Variants in NBPF8 observed in about 807,000 individuals in gnomAD.
The protein encoded by NBPF8 is NBPF family member NBPF8.
chr1:120,434,520 T>A (rs1661017159), upstream of NBPF8, among the ~76,000 whole-genome samples: 3 of 149,048 alleles, frequency 2.0e-5, no homozygotes, highest in Admixed American at 6.7e-5. Flanking sequence ...CCTCACCCCA[T>A]GACAGGCCCT....
At chr1:120,420,249 A>G (rs1660537047) in intron 1 of NBPF8, among the ~76,000 whole-genome samples, 131 bp downstream of exon 2, 1 of 152,076 alleles carries the variant, frequency 6.6e-6, no homozygotes, top group South Asian at 2.1e-4. Context: ...ACAGATACTG[A>G]ATTAATATTT....
chr1:120,465,306 A>T (rs1365920899), exon 24 of NBPF8: 4 of 700,252 alleles, frequency 5.7e-6, no homozygotes, highest in South Asian at 5.6e-5. Context: ...GGGGAAGAAG[A>T]TCAAAGAAGA....
chr1:120,460,357 A>T (rs1206614493), intron 17 of NBPF8, among the ~76,000 whole-genome samples: 1 of 151,980 alleles, frequency 6.6e-6, no homozygotes, highest in Admixed American at 6.5e-5. Flanking sequence ...GGAAGATAAC[A>T]TTCCAACTCA....
chr1:120,466,097 G>A, exon 25 of NBPF8: 6 of 1,611,672 alleles, frequency 3.7e-6, no homozygotes, highest in Admixed American at 1.7e-5. Flanking sequence ...CACTACAGAA[G>A]TGTGTTTTAC....
chr1:120,459,675 C>G (rs1275824160), intron 17 of NBPF8, 145 bp downstream of exon 15: 1 of 838,856 alleles, frequency 1.2e-6, no homozygotes, highest in Non-Finnish European at 2.1e-6. Flanking sequence ...TTCAATCACT[C>G]TGGAGTCGAG....
chr1:120,449,800 A>G (rs781909285), intron 11 of NBPF8, among the ~76,000 whole-genome samples: 4 of 152,192 alleles, frequency 2.6e-5, no homozygotes, highest in Non-Finnish European at 5.9e-5. Context: ...GTTTCTGTTG[A>G]GGCCCAACAG....
chr1:120,456,455 G>T (rs1401346559), intron 16 of NBPF8, among the ~76,000 whole-genome samples: 2 of 130,362 alleles, frequency 1.5e-5, no homozygotes, highest in African/African-American at 7.1e-5. Context: ...CTCCTGTATA[G>T]GGTGCATATA....
chr1:120,468,069 C>T (rs1570949018), downstream of NBPF8, among the ~76,000 whole-genome samples: 3 of 151,542 alleles, frequency 2.0e-5, no homozygotes, highest in African/African-American at 7.3e-5. Flanking sequence ...TTGAACTAGA[C>T]ACACTTCTAA....
At chr1:120,434,425 A>G (rs1661013735), upstream of NBPF8, among the ~76,000 whole-genome samples, 2 of 146,832 alleles carry the variant, frequency 1.4e-5, no homozygotes, top group Non-Finnish European at 3.0e-5. Context: ...TTATATATAT[A>G]TATACGTGTG....
chr1:120,422,189 G>T lies in NBPF8; in HGVS notation n.269+2071G>T, dbSNP rs1174088330. Among the ~76,000 whole-genome samples, 359 of 152,256 alleles carry T rather than the reference G, an allele frequency of 2.4e-3. 1 individual carries two copies. The highest frequency in any genetic ancestry group is 7.0e-3 in the African/African-American group (289 of 41,536). On this transcript the variant is annotated intron_variant and non_coding_transcript_variant, in intron 1 of 28. Transcript: ENST00000652355. ...ACACAGTTTCCCCTATTAGTATGTT[G>T]TATTAGTGTGGTCCATTCATTACAA...
chr1:120,464,442 T>C (rs1467703082), exon 23 of NBPF8: 5 of 779,102 alleles, frequency 6.4e-6, no homozygotes, highest in Non-Finnish European at 7.1e-6. Flanking sequence ...ATAGATGTTA[T>C]TCAACTCCTT....
intron 13 of NBPF8, among the ~76,000 whole-genome samples, chr1:120,452,604 C>A (rs1276831955): frequency 6.6e-6 from 1 of 152,220 alleles, no homozygotes; most frequent in African/African-American, 2.4e-5. Context: ...AGGAAGGAGG[C>A]TGCGATGGGA....
upstream of NBPF8, among the ~76,000 whole-genome samples, chr1:120,419,626 T>C (rs200072377): frequency 6.6e-6 from 1 of 150,866 alleles, no homozygotes; most frequent in African/African-American, 2.4e-5. Flanking sequence ...GCTGGGCCAA[T>C]TTTTCATTTT....
upstream of NBPF8, among the ~76,000 whole-genome samples, chr1:120,415,854 T>G (rs1453553985): frequency 6.6e-6 from 1 of 152,178 alleles, no homozygotes; most frequent in Non-Finnish European, 1.5e-5. Context: ...GTGTTTGCAC[T>G]CCAAAGAGTT....
In NBPF8 at chr1:120,462,484, C is replaced by T. The variant is rs1255493729; in HGVS notation, n.3061+287C>T. On this transcript the variant is annotated intron_variant and non_coding_transcript_variant, in intron 20 of 24. Transcript: ENST00000583271. ...TTATTGAGCCCACTCTTTTCATGAT[C>T]ACTGTTCGCTGTGTGTCCCGAGGGC... 1.2e-4 allele frequency among the ~76,000 whole-genome samples: 15 copies of T among 129,972 alleles called. 1 individual carries two copies. In the South Asian group the frequency reaches 4.4e-3, roughly 38 times the overall value. 85.3% of individuals were successfully genotyped at this position (129,972 alleles called of 152,430 possible).
At chr1:120,460,317 G>T (rs1332450403) in intron 17 of NBPF8, among the ~76,000 whole-genome samples, 2 of 152,150 alleles carry the variant, frequency 1.3e-5, no homozygotes, top group Non-Finnish European at 2.9e-5. Flanking sequence ...TTGCTCATTT[G>T]TGTACATAAA....
intron 11 of NBPF8, among the ~76,000 whole-genome samples, chr1:120,450,480 C>T (rs1407047870): frequency 2.0e-4 from 30 of 152,190 alleles, no homozygotes; most frequent in African/African-American, 7.2e-4. Context: ...TACAATAATA[C>T]CTACCTCTGT....
intron 11 of NBPF8, among the ~76,000 whole-genome samples, chr1:120,450,399 C>T (rs1480341859): frequency 1.3e-5 from 2 of 151,828 alleles, no homozygotes; most frequent in Non-Finnish European, 2.9e-5. Flanking sequence ...GACCGTGGGC[C>T]TGTCTCCTGG....
intron 13 of NBPF8, among the ~76,000 whole-genome samples, chr1:120,452,626 A>G (rs1433510319): frequency 2.0e-5 from 3 of 152,374 alleles, no homozygotes; most frequent in African/African-American, 4.8e-5. Context: ...CAGGCTTGTT[A>G]GAGTGAAAAG....
Sources: allele counts gnomAD v4.1 joint callset (sites outside exome capture counted in the v4.1 genomes callset), GRCh38; gene constraint gnomAD v4.1.1; transcripts MANE v1.5; gene names NCBI Gene and HGNC (gene_info 2026-07-23, HGNC 2026-07-21).